BBS9: variants seen among roughly 807,000 people sequenced by gnomAD.
BBS9 encodes the protein Bardet-Biedl syndrome 9, also known as protein PTHB1.
In BBS9, 89 loss-of-function variants were observed where a neutral mutation model predicts 117.7. That is an observed-to-expected ratio of 0.76 (90% CI 0.64 to 0.90). BBS9 has a LOEUF of 0.90. Ranked by LOEUF, BBS9 falls within the 40% of genes least tolerant of loss-of-function variation. The probability of loss-of-function intolerance (pLI) is 0.00; values close to 1 mark genes in which losing one functional copy is unlikely to be tolerated. For missense variants in BBS9, 982 were observed against 1,042.2 expected (o/e 0.94, Z 0.80); for synonymous variants, 379 against 370.9 (o/e 1.02, Z -0.25).
At chr7:33,504,569 G>A (rs1237680036) in intron 19 of BBS9, among the ~76,000 whole-genome samples, 1 of 152,110 alleles carries the variant, frequency 6.6e-6, no homozygotes, top group Admixed American at 6.5e-5. Context: ...GTAGAAAGGA[G>A]CTCATATGGC....
chr7:33,134,326 A>G (rs1241361346), intron 1 of BBS9, among the ~76,000 whole-genome samples: 2 of 151,432 alleles, frequency 1.3e-5, no homozygotes, highest in Non-Finnish European at 2.9e-5. Context: ...TGGCCTCCCA[A>G]CGTGCTGGGA....
chr7:33,340,380 T>C (rs1370463135), intron 10 of BBS9, among the ~76,000 whole-genome samples: 2 of 152,182 alleles, frequency 1.3e-5, no homozygotes, highest in Non-Finnish European at 2.9e-5. Flanking sequence ...CTTTGGGACA[T>C]TGCATAGTAC....
At chr7:33,275,678 A>G (rs1462154317) in intron 9 of BBS9, among the ~76,000 whole-genome samples, 1 of 152,210 alleles carries the variant, frequency 6.6e-6, no homozygotes, top group Non-Finnish European at 1.5e-5. Flanking sequence ...CAGGAGAATG[A>G]TGGGTAGAAA....
chr7:33,392,628 C>T (rs752503329), intron 19 of BBS9, among the ~76,000 whole-genome samples: 2 of 152,082 alleles, frequency 1.3e-5, no homozygotes, highest in South Asian at 2.1e-4. Context: ...TATAATCTAT[C>T]CTCCTTCTTT....
chr7:33,387,917 T>G, intron 18 of BBS9, 75 bp from the exon 19 acceptor site: 2 of 1,480,894 alleles, frequency 1.4e-6, no homozygotes, highest in Non-Finnish European at 9.4e-7. Context: ...ACTTTTATTA[T>G]CATTGTGTGT....
intron 19 of BBS9, among the ~76,000 whole-genome samples, chr7:33,406,941 T>C (rs1373551344): frequency 6.6e-6 from 1 of 152,172 alleles, no homozygotes; most frequent in Non-Finnish European, 1.5e-5. Context: ...AGGAGTGTCT[T>C]TGTGGAATTC....
chr7:33,427,133 C>G (rs1236489909), intron 19 of BBS9, among the ~76,000 whole-genome samples: 1 of 152,128 alleles, frequency 6.6e-6, no homozygotes, highest in African/African-American at 2.4e-5. Flanking sequence ...TTCACATTAC[C>G]TGTGGGAATC....
At chr7:33,231,640 C>T (rs1311851734) in intron 5 of BBS9, among the ~76,000 whole-genome samples, 1 of 151,624 alleles carries the variant, frequency 6.6e-6, no homozygotes, top group East Asian at 1.9e-4. Flanking sequence ...ATTTTGGACC[C>T]TTTATTTTTA....
At chr7:33,485,977 T>A (rs1223796864) in intron 19 of BBS9, among the ~76,000 whole-genome samples, 1 of 152,174 alleles carries the variant, frequency 6.6e-6, no homozygotes, top group East Asian at 1.9e-4. Flanking sequence ...GACTACACAA[T>A]GGTGGGTTGA....
In BBS9 at chr7:33,222,697, C is replaced by T. The variant is rs1790474291; in HGVS notation, c.443-34539C>T. Among the ~76,000 whole-genome samples, 4 of 151,920 alleles carry T rather than the reference C, an allele frequency of 2.6e-5. No homozygotes were observed. In the South Asian group the frequency reaches 8.3e-4, roughly 32 times the overall value. ...GTGCGGTGGCTCTTGCTTGTAACTC[C>T]AGCACTTTGGGAGGCTGAGGTGGGT... On this transcript the variant is annotated intron_variant, in intron 5 of 22. Transcript: ENST00000242067.
At chr7:33,166,273 C>A (rs189530937) in intron 4 of BBS9, among the ~76,000 whole-genome samples, 1 of 152,166 alleles carries the variant, frequency 6.6e-6, no homozygotes, top group Non-Finnish European at 1.5e-5. Context: ...GTCAGTCAAC[C>A]CCTACTGGGA....
At chr7:33,590,201 G>C (rs1235768628) in intron 21 of BBS9, among the ~76,000 whole-genome samples, 1 of 152,038 alleles carries the variant, frequency 6.6e-6, no homozygotes, top group Non-Finnish European at 1.5e-5. Context: ...AAGCTAGACT[G>C]GGATGGATGT....
At chr7:33,501,319 G>A (rs1368198343) in intron 19 of BBS9, among the ~76,000 whole-genome samples, 2 of 152,190 alleles carry the variant, frequency 1.3e-5, no homozygotes, top group Non-Finnish European at 2.9e-5. Context: ...ACTAAATTGA[G>A]AACATGGAGA....
chr7:33,584,529 A>G (rs1409233040), intron 21 of BBS9, among the ~76,000 whole-genome samples: 2 of 152,062 alleles, frequency 1.3e-5, no homozygotes, highest in Non-Finnish European at 2.9e-5. Flanking sequence ...TCATCATTAC[A>G]CTATGGAATC....
chr7:33,366,388 T>A (rs1380733375), intron 16 of BBS9, among the ~76,000 whole-genome samples: 1 of 151,846 alleles, frequency 6.6e-6, no homozygotes, highest in Non-Finnish European at 1.5e-5. Context: ...GCCCTTGAGC[T>A]CCCACAGGGC....
chr7:33,228,301 G>T (rs76660113), intron 5 of BBS9, among the ~76,000 whole-genome samples: 3 of 151,770 alleles, frequency 2.0e-5, no homozygotes, highest in African/African-American at 7.3e-5. Flanking sequence ...TATTCATGTC[G>T]TTTGCCCTTA....
At chr7:33,450,412 G>T (rs1837627594) in intron 19 of BBS9, among the ~76,000 whole-genome samples, 1 of 152,194 alleles carries the variant, frequency 6.6e-6, no homozygotes, top group Non-Finnish European at 1.5e-5. Flanking sequence ...GCTAGATCAT[G>T]TTGTAGTTCT....
intron 21 of BBS9, among the ~76,000 whole-genome samples, chr7:33,621,528 A>G (rs1282731161): frequency 6.6e-6 from 1 of 152,196 alleles, no homozygotes; most frequent in African/African-American, 2.4e-5. Flanking sequence ...GATCAAAAAG[A>G]CAAAAGTGCT....
chr7:33,138,145 C>T (rs934684951), intron 1 of BBS9, among the ~76,000 whole-genome samples: 15 of 151,966 alleles, frequency 9.9e-5, no homozygotes, highest in Non-Finnish European at 5.9e-5. Flanking sequence ...GGACTAGAGA[C>T]GAGGGAGAGA....
Sources: allele counts gnomAD v4.1 joint callset (sites outside exome capture counted in the v4.1 genomes callset), GRCh38; gene constraint gnomAD v4.1.1; transcripts MANE v1.5; gene names NCBI Gene and HGNC (gene_info 2026-07-23, HGNC 2026-07-21).